The following STAMBP variants were observed in gnomAD, a reference collection of about 807,000 sequenced individuals.
The protein encoded by STAMBP is STAM-binding protein.
A neutral mutation model predicts 50.7 loss-of-function variants in STAMBP; 31 were observed. That is an observed-to-expected ratio of 0.61 (90% CI 0.46 to 0.83). The LOEUF (loss-of-function observed/expected upper bound fraction) is 0.83. Ranked by LOEUF, STAMBP falls within the 40% of genes least tolerant of loss-of-function variation. STAMBP has a pLI of 0.00. For missense variants in STAMBP, 472 were observed against 518.9 expected (o/e 0.91, Z 0.88); for synonymous variants, 211 against 192.4 (o/e 1.10, Z -0.80).
chr2:73,859,305 T>G lies in STAMBP; in HGVS notation c.1057T>G (p.Cys353Gly). 1 of 1,614,192 alleles carries G rather than the reference T, an allele frequency of 6.2e-7. No homozygotes were observed. Among genetic ancestry groups the G allele is most frequent in the East Asian group, 2.2e-5 (1 of 44,882 alleles). Residue 353 changes from cysteine to glycine, a missense_variant, in exon 8 of 10, where the codon TGC becomes GGC. Physicochemically the swap from Cys to Gly is radical, Grantham distance 159. Transcript: ENST00000394070. ...FLSSVDLHTH[C>G]SYQMMLPESV... is the part of the protein sequence containing the mutation. ...CTCCAGTGTCGACCTACACACTCAC[T>G]GCTCTTACCAGATGATGTTGCCAGA...
intron 2 of STAMBP, among the ~76,000 whole-genome samples, chr2:73,838,139 A>G (rs1674953916): frequency 6.6e-6 from 1 of 152,214 alleles, no homozygotes; most frequent in African/African-American, 2.4e-5. Flanking sequence ...AAGAAAGTGG[A>G]GGCAAAGGGT....
At chr2:73,834,520 G>T (rs1441037103) in intron 2 of STAMBP, among the ~76,000 whole-genome samples, 1 of 151,720 alleles carries the variant, frequency 6.6e-6, no homozygotes, top group Non-Finnish European at 1.5e-5. Context: ...CTTCATCCTC[G>T]TCATCTTCAT....
At position 73,847,767 on chromosome 2, in the gene STAMBP, C is replaced by T; in HGVS notation, c.742+14C>T. On this transcript the variant is annotated intron_variant, in intron 5 of 9. Coordinates refer to ENST00000394070, the MANE Select transcript of STAMBP (RefSeq NM_213622.4). ...ACTCAGAAAGTAGTAAGTGCATTTG[C>T]TGATGTCCTCTTCCTTCTCAGTTGC... The T allele has an allele frequency of 1.2e-6, 2 of 1,605,412 alleles. No individual in the cohort carries two copies. The highest frequency in any genetic ancestry group is 1.7e-6 in the Non-Finnish European group (2 of 1,176,558).
At position 73,859,255 on chromosome 2, in the gene STAMBP, C is replaced by T; in HGVS notation, c.1007C>T (p.Thr336Ile). 6.2e-7 allele frequency: 1 copy of T among 1,613,850 alleles called. No individual in the cohort carries two copies. ...QGLITLGWIH[T>I]HPTQTAFLSS... is the part of the protein sequence containing the mutation. ...CTCTGACTCTTTTTCTCTCCTCAGACTCACCCCACACAGACCGCGTTTCTC... is the reference window on the plus strand; with the variant it reads ...CTCTGACTCTTTTTCTCTCCTCAGATTCACCCCACACAGACCGCGTTTCTC... Residue 336 changes from threonine (T) to isoleucine (I), a missense_variant and splice_region_variant, in exon 8 of 10, where the codon ACT becomes ATT. Thr to Ile is a moderately conservative substitution (Grantham distance 89, BLOSUM62 -1). Coordinates refer to ENST00000394070, the MANE Select transcript of STAMBP (RefSeq NM_213622.4).
chr2:73,857,386 G>A (rs1677691860), intron 7 of STAMBP, among the ~76,000 whole-genome samples: 1 of 152,146 alleles, frequency 6.6e-6, no homozygotes, highest in South Asian at 2.1e-4. Context: ...CCCCCTTTGT[G>A]TTTACCTCCC....
intron 2 of STAMBP, among the ~76,000 whole-genome samples, chr2:73,841,164 T>TTCCTC (rs1675338606): frequency 6.6e-6 from 1 of 152,160 alleles, no homozygotes; most frequent in African/African-American, 2.4e-5. Flanking sequence ...TTTGGTACCT[T>TTCCTC]TCCTCTCTCC....
chr2:73,859,920 C>T (rs185671275), intron 8 of STAMBP, 132 bp from the exon 9 acceptor site: 31 of 617,486 alleles, frequency 5.0e-5, no homozygotes, highest in South Asian at 2.0e-4. Flanking sequence ...GAGGCAGCAT[C>T]CTACAGAAGC....
At chr2:73,829,822 AT>A (rs1673682308) in intron 1 of STAMBP, among the ~76,000 whole-genome samples, 1 of 152,242 alleles carries the variant, frequency 6.6e-6, no homozygotes, top group Non-Finnish European at 1.5e-5. Flanking sequence ...AACTGGATAG[AT>A]AAATGAAACT....
chr2:73,849,384 G>A lies in STAMBP; in HGVS notation c.764G>A (p.Arg255His), dbSNP rs146601260. The A allele has an allele frequency of 1.1e-3, 1,831 of 1,614,002 alleles. 8 individuals are homozygous for A. The highest frequency in any genetic ancestry group is 2.6e-3 in the Middle Eastern group (16 of 6,042). Residue 255 changes from arginine to histidine, a missense_variant, in exon 6 of 10, where the codon CGC becomes CAC. Transcript: ENST00000394070. ...SESIPTIDGL[R>H]HVVVPGRLCP... is the part of the protein sequence containing the mutation. Reference sequence around the variant, plus strand: ...ACAGTTCCCACAATCGATGGATTGCGCCATGTGGTGGTGCCTGGGCGGCTG... The same window carrying A: ...ACAGTTCCCACAATCGATGGATTGCACCATGTGGTGGTGCCTGGGCGGCTG...
rs539294353 is a variant in STAMBP at position 73,850,212 on chromosome 2, T to C, written c.868-164T>C. On this transcript the variant is annotated intron_variant, in intron 6 of 9. Coordinates refer to ENST00000394070, the MANE Select transcript of STAMBP (RefSeq NM_213622.4). This position sits in a 1 kb window ranked among gnomAD's most constrained non-coding sequence, Gnocchi z 4.3. ...TCGCTGTACAGAGTACCCCAGGCAA[T>C]GTGCATCAGCAGCCAAGGTTGTGAA... Among the ~76,000 whole-genome samples the C allele has an allele frequency of 2.6e-5, 4 of 152,266 alleles. No individual in the cohort carries two copies. The highest frequency in any genetic ancestry group is 9.6e-5 in the African/African-American group (4 of 41,552).
At chr2:73,848,747 T>G (rs1319106846) in intron 5 of STAMBP, among the ~76,000 whole-genome samples, 1 of 152,222 alleles carries the variant, frequency 6.6e-6, no homozygotes, top group Non-Finnish European at 1.5e-5. Context: ...GCATTAGGAA[T>G]TAAGTTTCCA....
chr2:73,852,845 TTG>T (rs55727735), intron 7 of STAMBP, among the ~76,000 whole-genome samples: 2,622 of 127,612 alleles, frequency 0.021, 48 homozygotes, highest in East Asian at 0.03. Flanking sequence ...GCCTGGCTAA[TTG>T]TGTGTGTGTG....
chr2:73,850,570 A>G lies in STAMBP; in HGVS notation c.1005+57A>G. ...CTCTGCCTCTCCCATGGTGGTATAA[A>G]TACATGAGTGTTTCTTTGAACAAAG... On this transcript the variant is annotated intron_variant, in intron 7 of 9. Transcript: ENST00000394070. This position sits in a 1 kb window ranked among gnomAD's most constrained non-coding sequence, Gnocchi z 4.3. 6.5e-7 allele frequency: 1 copy of G among 1,531,460 alleles called. No homozygotes were observed. Among genetic ancestry groups the G allele is most frequent in the Non-Finnish European group, 8.8e-7 (1 of 1,137,454 alleles). The allele number at this position is 1,531,460 out of a possible 1,614,324, so 94.9% of individuals were successfully genotyped here.
chr2:73,857,806 T>C (rs572133764), intron 7 of STAMBP, among the ~76,000 whole-genome samples: 26 of 152,252 alleles, frequency 1.7e-4, no homozygotes, highest in African/African-American at 6.0e-4. Flanking sequence ...ACCCCACTTG[T>C]GGCATCTCCC....
At position 73,859,383 on chromosome 2, in the gene STAMBP, T is replaced by C. The variant is rs1437877907; in HGVS notation, c.1118+17T>C. The C allele has an allele frequency of 5.0e-6, 8 of 1,599,644 alleles. No individual in the cohort carries two copies. Among genetic ancestry groups the C allele is most frequent in the South Asian group, 1.1e-5 (1 of 90,802 alleles). On this transcript the variant is annotated intron_variant, in intron 8 of 9. Transcript: ENST00000394070. ...GTTCCAGGAGTGAGTATAGAGGGCA[T>C]GGTTCTGGGTGTTTCAAGGGGGTAG...
chr2:73,845,441 A>G (rs1273995361), intron 4 of STAMBP, among the ~76,000 whole-genome samples, 179 bp downstream of exon 4: 4 of 152,198 alleles, frequency 2.6e-5, no homozygotes, highest in African/African-American at 9.6e-5. Context: ...TGTAACACAG[A>G]TATAGCCTAT....
At chr2:73,851,354 A>G (rs1676777268) in intron 7 of STAMBP, among the ~76,000 whole-genome samples, 1 of 152,358 alleles carries the variant, frequency 6.6e-6, no homozygotes, top group Middle Eastern at 3.4e-3. Context: ...AAATTTGAGT[A>G]AGGTATGATT....
Position 73,830,686 on chromosome 2 carries a change from C to T in STAMBP, c.-12-159C>T, listed in dbSNP as rs564810771. 6.6e-5 allele frequency among the ~76,000 whole-genome samples: 10 copies of T among 152,360 alleles called. No homozygotes were observed. In the South Asian group the frequency reaches 1.9e-3, roughly 28 times the overall value. ...GTGATTTGGGCTTCCTTGAGGGTCTCAGCCTTCTTGTAGGAAAGTCCTTAT... is the reference window on the plus strand; with the variant it reads ...GTGATTTGGGCTTCCTTGAGGGTCTTAGCCTTCTTGTAGGAAAGTCCTTAT... On this transcript the variant is annotated intron_variant, in intron 1 of 9. Coordinates refer to ENST00000394070, the MANE Select transcript of STAMBP (RefSeq NM_213622.4).
chr2:73,851,321 G>T (rs1487530056), intron 7 of STAMBP, among the ~76,000 whole-genome samples: 2 of 152,170 alleles, frequency 1.3e-5, no homozygotes, highest in Admixed American at 6.5e-5. Context: ...GAGAAAACTT[G>T]TTCCTTATCT....
Sources: gnomAD v4.1 joint callset for allele counts (sites outside exome capture counted in the v4.1 genomes callset) on GRCh38, gnomAD v4.1.1 for gene constraint, Gnocchi (gnomAD v3.1) non-coding constraint, MANE v1.5 for transcripts, NCBI Gene and HGNC (gene_info 2026-07-23, HGNC 2026-07-21) for gene names.